The following CCDC171 variants were observed in gnomAD, a reference collection of about 807,000 sequenced individuals.
CCDC171 encodes coiled-coil domain-containing protein 171.
In CCDC171, 177 loss-of-function variants were observed where a neutral mutation model predicts 168.2. That is an observed-to-expected ratio of 1.05 (90% CI 0.93 to 1.19). The LOEUF (loss-of-function observed/expected upper bound fraction) is 1.19, where lower values mean the gene tolerates loss of function less well. CCDC171 is among the 50% of genes most tolerant of loss of function. The probability of loss-of-function intolerance (pLI) is 0.00; values close to 1 mark genes in which losing one functional copy is unlikely to be tolerated. For missense variants in CCDC171, 1,991 were observed against 1,539.0 expected (o/e 1.29, Z -4.91); for synonymous variants, 687 against 540.8 (o/e 1.27, Z -3.75).
chr9:15,608,912 C>G (rs370788986), intron 6 of CCDC171, among the ~76,000 whole-genome samples: 1 of 117,374 alleles, frequency 8.5e-6, no homozygotes, highest in South Asian at 2.7e-4. Context: ...GTCCTATGAT[C>G]ACAGCCCGGG....
chr9:15,722,731 AGCTT>A (rs2053563503), intron 12 of CCDC171, among the ~76,000 whole-genome samples: 1 of 152,192 alleles, frequency 6.6e-6, no homozygotes, highest in South Asian at 2.1e-4. Flanking sequence ...ATTTTATTTT[AGCTT>A]GCTAAGATGA....
chr9:16,048,031 C>CA (rs1833688166), intron 1 of CCDC171, among the ~76,000 whole-genome samples: 1 of 152,166 alleles, frequency 6.6e-6, no homozygotes, highest in Admixed American at 6.5e-5. Context: ...CCTGCAGTGG[C>CA]AAGTTGGCTC....
intron 23 of CCDC171, among the ~76,000 whole-genome samples, chr9:15,869,262 TTAGA>T (rs756463644): frequency 6.6e-6 from 1 of 151,900 alleles, no homozygotes; most frequent in African/African-American, 2.4e-5. Context: ...ATTTGATTAA[TTAGA>T]TAGTTAAAGA....
At chr9:16,011,119 A>C (rs1832856695) in intron 3 of CCDC171, among the ~76,000 whole-genome samples, 1 of 152,158 alleles carries the variant, frequency 6.6e-6, no homozygotes, top group African/African-American at 2.4e-5. Flanking sequence ...GGTGCAACAC[A>C]TGCCCCTTTT....
chr9:16,018,307 G>A (rs952029662), intron 3 of CCDC171, among the ~76,000 whole-genome samples: 8 of 152,112 alleles, frequency 5.3e-5, no homozygotes, highest in East Asian at 3.9e-4. Flanking sequence ...CTGGAGACCC[G>A]GTGAAAGTGA....
chr9:15,839,660 T>C (rs2060591262), intron 21 of CCDC171, among the ~76,000 whole-genome samples: 1 of 152,136 alleles, frequency 6.6e-6, no homozygotes, highest in Non-Finnish European at 1.5e-5. Flanking sequence ...CTAGTGATTA[T>C]AAGGGAAATA....
intron 23 of CCDC171, 32 bp downstream of exon 23, chr9:15,848,979 T>A (rs932600841): frequency 8.2e-7 from 1 of 1,213,612 alleles, no homozygotes; most frequent in Non-Finnish European, 1.2e-6. Flanking sequence ...ATTGTTCAAT[T>A]TGTGTCATGA....
rs934720536 is a variant in CCDC171, at chr9:15,866,325, G to C, written c.3469-8207G>C. On this transcript the variant is annotated intron_variant, in intron 23 of 25. Coordinates refer to ENST00000380701, the MANE Select transcript of CCDC171 (RefSeq NM_173550.4). ...GTTTTAAGAGCCACAAGTCTGAATA[G>C]ACAACTCTATTAGGAAGCTGTAGCA... Among the ~76,000 whole-genome samples the C allele has an allele frequency of 8.6e-5, 13 of 151,990 alleles. 1 individual carries two copies. Among genetic ancestry groups the C allele is most frequent in the Admixed American group, 3.3e-4 (5 of 15,228 alleles).
intron 2 of CCDC171, among the ~76,000 whole-genome samples, chr9:15,570,572 A>C (rs561307014): frequency 6.6e-6 from 1 of 152,272 alleles, no homozygotes; most frequent in Non-Finnish European, 1.5e-5. Context: ...CTGGAAGCTC[A>C]GTGTGTGAGA....
chr9:15,607,842 T>C (rs1169767896), intron 6 of CCDC171, among the ~76,000 whole-genome samples: 1 of 152,232 alleles, frequency 6.6e-6, no homozygotes, highest in South Asian at 2.1e-4. Flanking sequence ...ATATTTTATC[T>C]TGTGCGTGTG....
At chr9:15,892,785 A>T (rs1820395095) in intron 24 of CCDC171, among the ~76,000 whole-genome samples, 1 of 152,200 alleles carries the variant, frequency 6.6e-6, no homozygotes, top group Non-Finnish European at 1.5e-5. Context: ...GAAATCAGAA[A>T]GGACACAAAC....
intron 9 of CCDC171, among the ~76,000 whole-genome samples, chr9:15,671,899 C>A (rs991717273): frequency 1.3e-5 from 2 of 152,186 alleles, no homozygotes; most frequent in African/African-American, 4.8e-5. Context: ...AGTGGTATTT[C>A]TAGTTCTAGA....
Position 16,058,042 on chromosome 9 carries a change from GA to G in CCDC171, n.90-2592del, listed in dbSNP as rs201883453. 7.0e-3 allele frequency among the ~76,000 whole-genome samples: 1,018 copies of G among 145,820 alleles called. 5 individuals carry two copies. The highest frequency in any genetic ancestry group is 9.6e-3 in the African/African-American group (379 of 39,300). ...AGTTGAAGCCAGTTGTGAATTTTTT[GA>G]AAAAAAAAAAATAATAATAATAATA... On this transcript the variant is annotated intron_variant and non_coding_transcript_variant, in intron 1 of 1. Coordinates refer to the CCDC171 transcript ENST00000478913.
chr9:15,791,077 C>A (rs1284581281), intron 21 of CCDC171, among the ~76,000 whole-genome samples: 2 of 152,100 alleles, frequency 1.3e-5, no homozygotes, highest in African/African-American at 2.4e-5. Context: ...CTTGGCGATG[C>A]GGGCTCTTTT....
the CCDC171 span, among the ~76,000 whole-genome samples, chr9:16,104,514 C>T: frequency 7.9e-5 from 12 of 152,240 alleles, no homozygotes; most frequent in African/African-American, 2.9e-4. Flanking sequence ...ACACCTTCAC[C>T]TATTGACTGA....
the CCDC171 span, among the ~76,000 whole-genome samples, chr9:16,103,722 G>T: frequency 6.6e-6 from 1 of 152,170 alleles, no homozygotes; most frequent in African/African-American, 2.4e-5. Context: ...ACAGATCCGA[G>T]GTCTCTGCAC....
intron 24 of CCDC171, among the ~76,000 whole-genome samples, chr9:15,902,271 T>C (rs1202343748): frequency 5.0e-4 from 37 of 73,636 alleles, no homozygotes; most frequent in African/African-American, 1.4e-3. Flanking sequence ...TGTATATATA[T>C]ATATATATAT....
chr9:15,831,008 C>A (rs974687159), intron 21 of CCDC171, among the ~76,000 whole-genome samples: 1 of 146,932 alleles, frequency 6.8e-6, no homozygotes, highest in African/African-American at 2.5e-5. Context: ...CTCGCTCTGC[C>A]GCCCAGGCTG....
chr9:15,574,431 C>T (rs182177654), intron 3 of CCDC171, among the ~76,000 whole-genome samples: 165 of 152,162 alleles, frequency 1.1e-3, no homozygotes, highest in Middle Eastern at 3.4e-3. Flanking sequence ...GTGTGAGCCA[C>T]CGCGCCTGGC....
Sources: gnomAD v4.1 joint callset for allele counts (sites outside exome capture counted in the v4.1 genomes callset) on GRCh38, gnomAD v4.1.1 for gene constraint, MANE v1.5 for transcripts, NCBI Gene and HGNC (gene_info 2026-07-23, HGNC 2026-07-21) for gene names.